The following ERG variants were observed in gnomAD, a reference collection of about 807,000 sequenced individuals.
The protein encoded by ERG is transcriptional regulator ERG.
In ERG, 9 loss-of-function variants were observed where a neutral mutation model predicts 55.3. The ratio of observed to expected loss-of-function variants is 0.16; its 90% CI spans 0.10 to 0.28. The LOEUF is 0.28. ERG is among the 10% of genes least tolerant of loss of function. The pLI is 1.00. For missense variants in ERG, 434 were observed against 631.6 expected, an observed-to-expected ratio of 0.69 and a Z score of 3.35; for synonymous variants, 223 against 237.3, an observed-to-expected ratio of 0.94 and a Z score of 0.55.
chr21:38,481,309 T>G (rs975589434), intron 1 of ERG, among the ~76,000 whole-genome samples: 1 of 152,258 alleles, frequency 6.6e-6, no homozygotes, highest in Non-Finnish European at 1.5e-5. Flanking sequence ...ATTCATGCAT[T>G]CATTCATTCA....
At chr21:38,525,754 AG>A (rs2059625944) in intron 2 of ERG, among the ~76,000 whole-genome samples, 2 of 152,238 alleles carry the variant, frequency 1.3e-5, no homozygotes, top group Non-Finnish European at 1.5e-5. Context: ...TGCAATGTGC[AG>A]AAAAGAGGAA....
intron 2 of ERG, among the ~76,000 whole-genome samples, chr21:38,569,801 C>A (rs1313227157): frequency 6.6e-6 from 1 of 151,996 alleles, no homozygotes; most frequent in Admixed American, 6.6e-5. Context: ...GAATAATATG[C>A]TTTTTAATGT....
intron 2 of ERG, among the ~76,000 whole-genome samples, chr21:38,571,739 C>T (rs1209595959): frequency 6.6e-6 from 1 of 152,084 alleles, no homozygotes; most frequent in Admixed American, 6.6e-5. Flanking sequence ...TCAACCACCC[C>T]TCCTTTTTTT....
chr21:38,370,602 G>A, the ERG span, among the ~76,000 whole-genome samples: 88 of 152,042 alleles, frequency 5.8e-4, no homozygotes, highest in Admixed American at 9.8e-4. Flanking sequence ...ATTTTTACAT[G>A]TGGTATTATG....
intron 2 of ERG, among the ~76,000 whole-genome samples, chr21:38,425,462 A>G (rs1989775043): frequency 6.6e-6 from 1 of 152,188 alleles, no homozygotes; most frequent in African/African-American, 2.4e-5. Flanking sequence ...ATCCAGCTTA[A>G]GCAGAAAACA....
intron 2 of ERG, among the ~76,000 whole-genome samples, chr21:38,439,813 G>T (rs1220283926): frequency 6.6e-6 from 1 of 152,232 alleles, no homozygotes. Flanking sequence ...TCAGGAGCTT[G>T]TAAGCACGTT....
At chr21:38,561,147 G>A (rs1242385287) in intron 2 of ERG, among the ~76,000 whole-genome samples, 1 of 151,964 alleles carries the variant, frequency 6.6e-6, no homozygotes, top group Non-Finnish European at 1.5e-5. Flanking sequence ...CAAGTAACAG[G>A]TCTTTCTAAA....
intron 1 of ERG, among the ~76,000 whole-genome samples, chr21:38,621,013 G>A (rs2060286954): frequency 6.6e-6 from 1 of 152,220 alleles, no homozygotes; most frequent in Non-Finnish European, 1.5e-5. Context: ...CGAACTACTG[G>A]AGGATTTCAA....
intron 2 of ERG, among the ~76,000 whole-genome samples, chr21:38,434,355 C>T (rs1990362669): frequency 6.6e-6 from 1 of 152,260 alleles, no homozygotes; most frequent in South Asian, 2.1e-4. Context: ...ACTCCCTCTG[C>T]CTTCAAGGCC....
intron 1 of ERG, among the ~76,000 whole-genome samples, chr21:38,492,651 A>G (rs1212378387): frequency 6.6e-6 from 1 of 152,208 alleles, no homozygotes; most frequent in Admixed American, 6.5e-5. Flanking sequence ...ACACTCAACA[A>G]CAAACACAAG....
chr21:38,611,936 A>T (rs1037471888), intron 1 of ERG, among the ~76,000 whole-genome samples: 3 of 152,064 alleles, frequency 2.0e-5, no homozygotes, highest in African/African-American at 7.2e-5. Context: ...GAGGAAAAAA[A>T]GCGGGGGGTT....
intron 1 of ERG, among the ~76,000 whole-genome samples, chr21:38,640,899 C>T (rs906060554): frequency 6.6e-6 from 1 of 152,146 alleles, no homozygotes; most frequent in East Asian, 1.9e-4. Flanking sequence ...CAGAGAACTG[C>T]TATTTTTCAT....
chr21:38,507,717 C>A (rs1329274859), intron 2 of ERG, among the ~76,000 whole-genome samples: 2 of 152,178 alleles, frequency 1.3e-5, no homozygotes, highest in Non-Finnish European at 2.9e-5. Context: ...CAGGAGGGAA[C>A]TGGGACAGGC....
At chr21:38,597,472 T>TACAC (rs3065420) in intron 1 of ERG, among the ~76,000 whole-genome samples, 5,430 of 147,982 alleles carry the variant, frequency 0.037, 195 homozygotes, top group African/African-American at 0.081. Context: ...TATATATATC[T>TACAC]ACACACACAC....
chr21:38,405,728 C>T (rs1418599383), intron 3 of ERG, among the ~76,000 whole-genome samples: 1 of 152,082 alleles, frequency 6.6e-6, no homozygotes, highest in Non-Finnish European at 1.5e-5. Flanking sequence ...TCACATGAAA[C>T]CTGGGGACAC....
intron 1 of ERG, among the ~76,000 whole-genome samples, chr21:38,580,232 C>T (rs1475532200): frequency 1.3e-5 from 2 of 152,312 alleles, no homozygotes; most frequent in South Asian, 2.1e-4. Context: ...GGATTACAGG[C>T]GTGAGCCACC....
chr21:38,382,363 C>T lies in ERG; in HGVS notation c.*1040G>A, dbSNP rs1987484388. 1 of 1,059,962 alleles carries T rather than the reference C, an allele frequency of 9.4e-7. No homozygotes were observed. The highest frequency in any genetic ancestry group is 1.6e-5 in the African/African-American group (1 of 60,822). The allele number at this position is 1,059,962 out of a possible 1,614,324, so 65.7% of individuals were successfully genotyped here. A position where few individuals can be genotyped will look rare whatever the true frequency, so the allele number is the denominator to read the frequency against. On this transcript the variant is annotated 3_prime_UTR_variant, in exon 10 of 10. Coordinates refer to ENST00000288319, the MANE Select transcript of ERG (RefSeq NM_182918.4). ...TGATTGTGGCAGCCAAGAAGGCCAT[C>T]TCTTACCTGACCCTGTGGAGAACAA...
intron 2 of ERG, among the ~76,000 whole-genome samples, chr21:38,444,413 C>T (rs2058869989): frequency 6.6e-6 from 1 of 152,160 alleles, no homozygotes; most frequent in South Asian, 2.1e-4. Context: ...GGGCTTTGTA[C>T]ACAGTAAAGT....
At chr21:38,419,799 AG>A (rs2146494245) in intron 3 of ERG, among the ~76,000 whole-genome samples, 1 of 152,216 alleles carries the variant, frequency 6.6e-6, no homozygotes, top group Admixed American at 6.5e-5. Context: ...TATTAACTCA[AG>A]ATCATGAGTA....
Sources: gnomAD v4.1 joint callset for allele counts (sites outside exome capture counted in the v4.1 genomes callset) on GRCh38, gnomAD v4.1.1 for gene constraint, MANE v1.5 for transcripts, NCBI Gene and HGNC (gene_info 2026-07-23, HGNC 2026-07-21) for gene names.